The following SUPT3H variants were observed in gnomAD, a reference collection of about 807,000 sequenced individuals.
SUPT3H encodes the protein transcription initiation protein SPT3 homolog.
In SUPT3H, 44 loss-of-function variants were observed where a neutral mutation model predicts 44.3. The ratio of observed to expected loss-of-function variants is 0.99; its 90% confidence interval spans 0.78 to 1.28. The LOEUF is 1.28. Among genes scored for constraint, SUPT3H ranks in the 50% most tolerant of loss-of-function variants. The pLI is 0.00. For missense variants in SUPT3H, 380 were observed against 387.1 expected (o/e 0.98, Z 0.15); for synonymous variants, 124 against 125.6 (o/e 0.99, Z 0.09).
intron 10 of SUPT3H, among the ~76,000 whole-genome samples, chr6:44,847,488 GA>G (rs1772075302): frequency 6.7e-6 from 1 of 150,366 alleles, no homozygotes; most frequent in South Asian, 2.1e-4. Flanking sequence ...GTTATGGGAA[GA>G]TTTTTTTTTT....
At chr6:45,064,769 A>C (rs2153545803) in intron 3 of SUPT3H, among the ~76,000 whole-genome samples, 1 of 146,922 alleles carries the variant, frequency 6.8e-6, no homozygotes, top group South Asian at 2.3e-4. Flanking sequence ...ACTATCCTAA[A>C]TATATATGCA....
At chr6:45,145,581 G>A (rs1222160257) in intron 2 of SUPT3H, among the ~76,000 whole-genome samples, 1 of 152,018 alleles carries the variant, frequency 6.6e-6, no homozygotes, top group Admixed American at 6.6e-5. Flanking sequence ...AATAACATTA[G>A]ACAAAGTCTT....
chr6:44,927,215 T>C (rs899655598), intron 10 of SUPT3H, among the ~76,000 whole-genome samples: 2 of 152,100 alleles, frequency 1.3e-5, no homozygotes, highest in Admixed American at 1.3e-4. Flanking sequence ...TAAGTAACAA[T>C]ATTAGAATAA....
At chr6:45,318,601 ATTAAT>A (rs1785042478) in intron 2 of SUPT3H, among the ~76,000 whole-genome samples, 1 of 152,158 alleles carries the variant, frequency 6.6e-6, no homozygotes, top group Non-Finnish European at 1.5e-5. Flanking sequence ...AATAAAGTCT[ATTAAT>A]TTAAGATATT....
rs542039872 is a variant in SUPT3H, at chr6:45,366,780, C to A, written c.1-1479G>T. ...TCACTACCTTTGACTCCTTCTCCTGCACCCTACAATTTGTAAGAAGTCAAG... is the reference window on the plus strand; with the variant it reads ...TCACTACCTTTGACTCCTTCTCCTGAACCCTACAATTTGTAAGAAGTCAAG... On this transcript the variant is annotated intron_variant, in intron 1 of 10. Transcript: ENST00000371459. 6.2e-4 allele frequency among the ~76,000 whole-genome samples: 95 copies of A among 152,270 alleles called. 1 individual carries two copies. The highest frequency in any genetic ancestry group is 7.5e-4 in the Non-Finnish European group (51 of 68,012).
At chr6:45,086,729 C>A (rs1400431298) in intron 3 of SUPT3H, among the ~76,000 whole-genome samples, 2 of 151,846 alleles carry the variant, frequency 1.3e-5, no homozygotes, top group East Asian at 3.9e-4. Context: ...CAGGAGTAAC[C>A]AGAAAAACTG....
At chr6:45,203,738 T>G (rs1313214286) in intron 2 of SUPT3H, among the ~76,000 whole-genome samples, 1 of 152,214 alleles carries the variant, frequency 6.6e-6, no homozygotes, top group African/African-American at 2.4e-5. Flanking sequence ...GCCCCAGCCA[T>G]GAAGGACTTC....
At chr6:45,061,863 G>C (rs1792119692) in intron 3 of SUPT3H, among the ~76,000 whole-genome samples, 1 of 142,856 alleles carries the variant, frequency 7.0e-6, no homozygotes, top group Non-Finnish European at 1.5e-5. Flanking sequence ...AAAATCAATT[G>C]TGGTACAGCC....
At chr6:45,314,431 A>G (rs973898933) in intron 2 of SUPT3H, among the ~76,000 whole-genome samples, 1 of 152,206 alleles carries the variant, frequency 6.6e-6, no homozygotes, top group Non-Finnish European at 1.5e-5. Context: ...AATTGATAAA[A>G]GAATTCAGTA....
chr6:45,235,010 A>T (rs1369050833), intron 2 of SUPT3H, among the ~76,000 whole-genome samples: 1 of 152,174 alleles, frequency 6.6e-6, no homozygotes, highest in East Asian at 1.9e-4. Context: ...TCTCATGAGA[A>T]TTTTTTCGGA....
At chr6:45,076,957 T>C (rs1465084808) in intron 3 of SUPT3H, among the ~76,000 whole-genome samples, 2 of 152,158 alleles carry the variant, frequency 1.3e-5, no homozygotes, top group Non-Finnish European at 2.9e-5. Context: ...TTGGTAGTTT[T>C]TTAATCTCCC....
At chr6:45,147,471 C>A (rs1806264575) in intron 2 of SUPT3H, among the ~76,000 whole-genome samples, 1 of 151,962 alleles carries the variant, frequency 6.6e-6, no homozygotes, top group East Asian at 1.9e-4. Context: ...AATCTCTGAA[C>A]ACAAAGAACT....
At chr6:44,887,920 A>G (rs1389162339) in intron 10 of SUPT3H, among the ~76,000 whole-genome samples, 1 of 152,156 alleles carries the variant, frequency 6.6e-6, no homozygotes, top group African/African-American at 2.4e-5. Context: ...GAGGCAATAA[A>G]AAATGATAAA....
intron 3 of SUPT3H, among the ~76,000 whole-genome samples, chr6:45,062,730 C>A (rs1021221289): frequency 2.0e-5 from 3 of 152,118 alleles, no homozygotes; most frequent in Non-Finnish European, 1.5e-5. Context: ...GTCACTCCCA[C>A]CCGAATATTG....
intron 2 of SUPT3H, among the ~76,000 whole-genome samples, chr6:45,185,030 T>C (rs886867108): frequency 4.6e-5 from 7 of 152,176 alleles, no homozygotes; most frequent in Non-Finnish European, 1.5e-5. Context: ...TCAGGAAGTT[T>C]GGCAGGCTAA....
At chr6:44,947,560 T>C (rs943681196) in intron 9 of SUPT3H, among the ~76,000 whole-genome samples, 7 of 152,178 alleles carry the variant, frequency 4.6e-5, no homozygotes, top group Admixed American at 4.6e-4. Flanking sequence ...CTTTTTTTTC[T>C]TTTTCTTTCT....
intron 2 of SUPT3H, among the ~76,000 whole-genome samples, chr6:45,150,856 G>C (rs1189116821): frequency 6.6e-6 from 1 of 151,152 alleles, no homozygotes; most frequent in East Asian, 2.0e-4. Flanking sequence ...CCAAGTAGCT[G>C]GGACTACAGG....
intron 2 of SUPT3H, among the ~76,000 whole-genome samples, chr6:45,326,470 T>TA (rs2150056343): frequency 6.6e-6 from 1 of 152,060 alleles, no homozygotes; most frequent in East Asian, 1.9e-4. Flanking sequence ...TTCACATGAA[T>TA]AACTGCATGT....
chr6:45,150,583 T>C (rs975816043), intron 2 of SUPT3H, among the ~76,000 whole-genome samples: 1 of 152,150 alleles, frequency 6.6e-6, no homozygotes, highest in Admixed American at 6.6e-5. Context: ...CCATGCCTTA[T>C]AGTTTTCTTC....
Sources: allele counts gnomAD v4.1 joint callset (sites outside exome capture counted in the v4.1 genomes callset), GRCh38; gene constraint gnomAD v4.1.1; transcripts MANE v1.5; gene names NCBI Gene and HGNC (gene_info 2026-07-23, HGNC 2026-07-21).